Variants in EDARADD observed in about 807,000 individuals in gnomAD.
The protein encoded by EDARADD is EDAR associated via death domain.
In EDARADD, 20 loss-of-function variants were observed where a neutral mutation model predicts 25.6. The observed-to-expected ratio is 0.78, with a 90% CI of 0.55 to 1.14. The LOEUF (loss-of-function observed/expected upper bound fraction) is 1.14. EDARADD is among the 50% of genes most tolerant of loss of function. The pLI, the probability that EDARADD is intolerant of heterozygous loss-of-function variation, is 0.00. For synonymous variants in EDARADD, 86 were observed against 94.4 expected, an observed-to-expected ratio of 0.91 and a Z score of 0.52; for missense variants, 225 against 270.1, an observed-to-expected ratio of 0.83 and a Z score of 1.17.
chr1:236,464,642 A>G (rs754072539), intron 4 of EDARADD, among the ~76,000 whole-genome samples: 2 of 151,852 alleles, frequency 1.3e-5, no homozygotes, highest in Admixed American at 6.6e-5. Flanking sequence ...CATGTTGGCC[A>G]GGCTTCTCTC....
In EDARADD at chr1:236,472,517, T is replaced by C. The variant is rs536751165; in HGVS notation, c.265+4241T>C. The stretch of plus-strand genomic sequence containing the variant: ...TCCTATGGCCAAGGTTGAGAACCAC[T>C]GCTTTTTAAAAGACTGTTTGCTTGT... On this transcript the variant is annotated intron_variant, in intron 5 of 5. Transcript: ENST00000334232. Among the ~76,000 whole-genome samples the C allele has an allele frequency of 3.3e-5, 5 of 152,326 alleles. No individual in the cohort carries two copies. In the South Asian group the frequency reaches 1.0e-3, roughly 32 times the overall value.
At position 236,437,188 on chromosome 1, in the gene EDARADD, C is replaced by A. The variant is rs1056393889; in HGVS notation, c.219+9738C>A. On this transcript the variant is annotated intron_variant, in intron 4 of 5. Transcript: ENST00000334232. Reference sequence around the variant, plus strand: ...CCTCTTAGAGAAGCTCAGCACATATCCCTAAAGGCAAAAGATAGAGAGGAC... The same window carrying A: ...CCTCTTAGAGAAGCTCAGCACATATACCTAAAGGCAAAAGATAGAGAGGAC... 2.0e-5 allele frequency among the ~76,000 whole-genome samples: 3 copies of A among 152,156 alleles called. No individual in the cohort carries two copies. The South Asian group carries it at 6.2e-4, about 31-fold the overall frequency.
Position 236,395,621 on chromosome 1 carries a change from C to G in EDARADD, c.61+1116C>G. 1 of 1,568,478 alleles carries G rather than the reference C, an allele frequency of 6.4e-7. No homozygotes were observed. The highest frequency in any genetic ancestry group is 8.6e-7 in the Non-Finnish European group (1 of 1,159,056). On this transcript the variant is annotated intron_variant, in intron 1 of 5. Transcript: ENST00000334232. The surrounding 1 kb of genome is among the most constrained non-coding windows in gnomAD (Gnocchi z 6.9). ...CGCTCGGACGCTCGTTTGCCCCTAA[C>G]CCGCCGCCATGGCTTCACCGGACGA...
At chr1:236,368,884 C>A (rs1396662234) in intron 3 of EDARADD, among the ~76,000 whole-genome samples, 2 of 152,030 alleles carry the variant, frequency 1.3e-5, no homozygotes, top group Non-Finnish European at 2.9e-5. Flanking sequence ...ATCCATGATC[C>A]AGCTATGTAT....
intron 3 of EDARADD, among the ~76,000 whole-genome samples, chr1:236,369,607 C>T (rs756169164): frequency 2.2e-4 from 34 of 151,906 alleles, no homozygotes; most frequent in African/African-American, 7.0e-4. Context: ...TTTGGGGGGC[C>T]GAGGCAGGTG....
At chr1:236,431,059 G>A (rs759897447) in intron 4 of EDARADD, among the ~76,000 whole-genome samples, 3 of 152,104 alleles carry the variant, frequency 2.0e-5, no homozygotes, top group African/African-American at 7.2e-5. Flanking sequence ...AGGTTGCAGT[G>A]AGCTGAGATT....
At chr1:236,424,154 CTTTTTTTTTTTTT>C (rs34454343) in intron 3 of EDARADD, among the ~76,000 whole-genome samples, 13 of 74,420 alleles carry the variant, frequency 1.7e-4, no homozygotes, top group African/African-American at 5.0e-4. Context: ...TGTGAAGCAT[CTTTTTTTTTTTTT>C]TTTTTTTTTT....
chr1:236,395,702 C>T lies in EDARADD; in HGVS notation c.61+1197C>T, dbSNP rs1667503344. ...CCGCGCCCGCTCCTGGAGCGAGCAC[C>T]GCGGGGCGGGAGCTCGGGAGGCGCT... On this transcript the variant is annotated intron_variant, in intron 1 of 5. Coordinates refer to ENST00000334232, the MANE Select transcript of EDARADD (RefSeq NM_145861.4). The surrounding 1 kb of genome is among the most constrained non-coding windows in gnomAD (Gnocchi z 6.9). 1 of 1,536,380 alleles carries T rather than the reference C, an allele frequency of 6.5e-7. No homozygotes were observed. The highest frequency in any genetic ancestry group is 1.4e-5 in the African/African-American group (1 of 71,552).
At chr1:236,390,717 T>C (rs1446660207), upstream of EDARADD, among the ~76,000 whole-genome samples, 1 of 152,194 alleles carries the variant, frequency 6.6e-6, no homozygotes, top group African/African-American at 2.4e-5. Context: ...CTGCATTCTC[T>C]CCTAGCTCTG....
intron 5 of EDARADD, among the ~76,000 whole-genome samples, chr1:236,481,953 A>G (rs1659687717): frequency 6.6e-6 from 1 of 151,526 alleles, no homozygotes; most frequent in African/African-American, 2.4e-5. Context: ...CTTTACTAAA[A>G]ACACAAAAAA....
rs1317120837 is a variant in EDARADD at position 236,447,166 on chromosome 1, CTCCCTCTTTCTTTCTTTCTT to C, written c.219+19719_219+19738del. Among the ~76,000 whole-genome samples the C allele has an allele frequency of 4.8e-4, 55 of 115,140 alleles. 1 individual carries two copies. The highest frequency in any genetic ancestry group is 1.2e-3 in the East Asian group (5 of 4,014). 75.5% of individuals were successfully genotyped at this position (115,140 alleles called of 152,430 possible). A position where few individuals can be genotyped will look rare whatever the true frequency, so the allele number is the denominator to read the frequency against. The stretch of plus-strand genomic sequence containing the variant: ...CCTTCCTTCCTTCCTCCCTCCCTCC[CTCCCTCTTTCTTTCTTTCTT>C]TCTTTCTTTCTTTCTTTCTTTCTTT... On this transcript the variant is annotated intron_variant, in intron 4 of 5. Transcript: ENST00000334232.
chr1:236,394,339 C>G lies in EDARADD; in HGVS notation c.-106C>G. ...TACAAATTCCCCAGAGAGCTTTCAT[C>G]TAGAAGGTTTGACTCTGGCCAGACA... On this transcript the variant is annotated 5_prime_UTR_variant, in exon 1 of 6. The change creates a new upstream start codon in the 5' untranslated region. Coordinates refer to ENST00000334232, the MANE Select transcript of EDARADD (RefSeq NM_145861.4). 8.0e-7 allele frequency: 1 copy of G among 1,249,716 alleles called. No homozygotes were observed. The allele number at this position is 1,249,716 out of a possible 1,614,324, so 77.4% of individuals were successfully genotyped here.
chr1:236,369,559 C>T (rs111602782), intron 3 of EDARADD, among the ~76,000 whole-genome samples: 7,684 of 152,134 alleles, frequency 0.051, 243 homozygotes, highest in Middle Eastern at 0.092. Flanking sequence ...TATCATACAT[C>T]GGCCAGGTGC....
chr1:236,405,877 C>CCTTCCTTCCTTCCT (rs1553265554), intron 1 of EDARADD, among the ~76,000 whole-genome samples: 60 of 31,238 alleles, frequency 1.9e-3, no homozygotes, highest in African/African-American at 6.2e-3. Flanking sequence ...TTCCTTCCTT[C>CCTTCCTTCCTTCCT]TTTCTTTCTT....
intron 4 of EDARADD, among the ~76,000 whole-genome samples, chr1:236,456,525 C>T (rs1214883289): frequency 2.0e-5 from 3 of 152,168 alleles, no homozygotes; most frequent in Admixed American, 1.3e-4. Flanking sequence ...TATTTCCCTT[C>T]CTCGGCCTGT....
At chr1:236,410,151 A>G (rs538130114) in intron 2 of EDARADD, among the ~76,000 whole-genome samples, 1 of 152,300 alleles carries the variant, frequency 6.6e-6, no homozygotes, top group Admixed American at 6.5e-5. Flanking sequence ...GTGGATGCAT[A>G]GCATAATGGT....
chr1:236,408,875 T>C (rs1243996897), intron 1 of EDARADD, among the ~76,000 whole-genome samples: 1 of 152,080 alleles, frequency 6.6e-6, no homozygotes, highest in African/African-American at 2.4e-5. Context: ...TCCCTCAGCC[T>C]CCTGGGTAGC....
intron 5 of EDARADD, among the ~76,000 whole-genome samples, chr1:236,477,769 TC>T (rs1659551579): frequency 6.6e-6 from 1 of 151,968 alleles, no homozygotes; most frequent in Admixed American, 6.6e-5. Context: ...TTAAAAAAAA[TC>T]CTTGAAAAGA....
At chr1:236,433,503 GT>G (rs1182425794) in intron 4 of EDARADD, among the ~76,000 whole-genome samples, 3 of 151,196 alleles carry the variant, frequency 2.0e-5, no homozygotes, top group African/African-American at 7.3e-5. Context: ...TAGAGACGGG[GT>G]TTCACCATGT....
Sources: gnomAD v4.1 joint callset for allele counts (sites outside exome capture counted in the v4.1 genomes callset) on GRCh38, gnomAD v4.1.1 for gene constraint, Gnocchi (gnomAD v3.1) non-coding constraint, MANE v1.5 for transcripts, NCBI Gene and HGNC (gene_info 2026-07-23, HGNC 2026-07-21) for gene names.